Variants in MTHFD2L observed in about 807,000 individuals in gnomAD.
The protein encoded by MTHFD2L is bifunctional methylenetetrahydrofolate dehydrogenase/cyclohydrolase 2, mitochondrial.
Under a neutral mutation model 34.9 loss-of-function variants are expected in MTHFD2L, and 29 were observed. That is an observed-to-expected ratio of 0.83 (90% CI 0.62 to 1.13). The LOEUF is 1.13. Ranked by LOEUF, MTHFD2L falls within the 50% of genes most tolerant of loss-of-function variation. MTHFD2L has a pLI of 0.00. For synonymous variants in MTHFD2L, 167 were observed against 155.7 expected (o/e 1.07, Z -0.54); for missense variants, 481 against 446.5 (o/e 1.08, Z -0.70).
chr4:74,189,726 T>C (rs1380847346), intron 3 of MTHFD2L, among the ~76,000 whole-genome samples: 1 of 152,136 alleles, frequency 6.6e-6, no homozygotes, highest in African/African-American at 2.4e-5. Context: ...TAACTTGAGA[T>C]GATTTGCTTT....
At chr4:74,262,747 G>A (rs1283676003) in intron 6 of MTHFD2L, among the ~76,000 whole-genome samples, 3 of 151,920 alleles carry the variant, frequency 2.0e-5, no homozygotes, top group African/African-American at 7.2e-5. Flanking sequence ...ATCCAGGGAA[G>A]CACATACTTG....
chr4:74,119,063 C>T (rs1021771643), upstream of MTHFD2L, among the ~76,000 whole-genome samples: 7 of 152,146 alleles, frequency 4.6e-5, no homozygotes, highest in South Asian at 2.1e-4. Flanking sequence ...TGCCTGCAGA[C>T]GCATATCAAA....
intron 6 of MTHFD2L, chr4:74,267,167 TA>T: frequency 1.0e-6 from 1 of 985,152 alleles, no homozygotes; most frequent in Non-Finnish European, 1.2e-6. Context: ...ACTCTGTGAA[TA>T]ACATGACAGT....
At chr4:74,192,012 A>G (rs1331096677) in intron 3 of MTHFD2L, among the ~76,000 whole-genome samples, 6 of 152,264 alleles carry the variant, frequency 3.9e-5, no homozygotes, top group Admixed American at 1.3e-4. Flanking sequence ...CATTTATTCA[A>G]TAAATATTTA....
At chr4:74,183,849 A>G (rs931676734) in intron 3 of MTHFD2L, 3 of 152,040 alleles carry the variant, frequency 2.0e-5, no homozygotes, top group Non-Finnish European at 4.4e-5. Context: ...TTAGAAGATA[A>G]TTAATGTTTA....
At chr4:74,173,020 G>C (rs1329587434) in intron 1 of MTHFD2L, among the ~76,000 whole-genome samples, 2 of 152,104 alleles carry the variant, frequency 1.3e-5, no homozygotes, top group East Asian at 1.9e-4. Context: ...GTTTATAAGG[G>C]CTTCCTTTCC....
intron 5 of MTHFD2L, among the ~76,000 whole-genome samples, chr4:74,209,455 C>T (rs1185015634): frequency 7.2e-5 from 11 of 152,180 alleles, no homozygotes; most frequent in Admixed American, 5.9e-4. Context: ...TTTGGTTTTC[C>T]GTTCCTGTGT....
chr4:74,155,223 C>A (rs572314982), upstream of MTHFD2L, among the ~76,000 whole-genome samples: 1 of 152,264 alleles, frequency 6.6e-6, no homozygotes, highest in South Asian at 2.1e-4. Flanking sequence ...GAGATTGTTT[C>A]ATATAAGTGT....
intron 7 of MTHFD2L, chr4:74,288,326 C>G (rs1748458023): frequency 6.6e-6 from 1 of 152,100 alleles, no homozygotes; most frequent in South Asian, 2.1e-4. Context: ...GAGCCCAGAA[C>G]AATAAAATCC....
At chr4:74,121,156 T>A (rs746605122), upstream of MTHFD2L, among the ~76,000 whole-genome samples, 4 of 152,182 alleles carry the variant, frequency 2.6e-5, no homozygotes, top group Non-Finnish European at 5.9e-5. Flanking sequence ...TTAAGCATTA[T>A]TTTCTAACTA....
rs929940578 is a variant in MTHFD2L at position 74,225,227 on chromosome 4, C to T, written c.713-75C>T. The T allele has an allele frequency of 4.2e-5, 46 of 1,101,066 alleles. No homozygotes were observed. The African/African-American group carries it at 6.0e-4, about 14-fold the overall frequency. 68.2% of individuals were successfully genotyped at this position (1,101,066 alleles called of 1,614,324 possible). On this transcript the variant is annotated intron_variant, in intron 5 of 7. Transcript: ENST00000325278. Reference sequence around the variant, plus strand: ...TTCTATTCTTAGGAAATAAGTGAAACTCTTCTGGATTTAGAGCATTTATAA... The same window carrying T: ...TTCTATTCTTAGGAAATAAGTGAAATTCTTCTGGATTTAGAGCATTTATAA...
At chr4:74,295,652 A>G (rs1047035484) in intron 7 of MTHFD2L, among the ~76,000 whole-genome samples, 1 of 152,186 alleles carries the variant, frequency 6.6e-6, no homozygotes. Context: ...AAATTAATAT[A>G]CAAAATACTT....
At chr4:74,195,689 A>C (rs1280172020) in intron 3 of MTHFD2L, 2 of 152,336 alleles carry the variant, frequency 1.3e-5, no homozygotes, top group African/African-American at 4.8e-5. Context: ...AGAGTCCTGA[A>C]AACATGTGCC....
chr4:74,270,545 C>T (rs554449966), intron 6 of MTHFD2L, among the ~76,000 whole-genome samples: 5 of 152,220 alleles, frequency 3.3e-5, no homozygotes, highest in Non-Finnish European at 7.3e-5. Flanking sequence ...GTATATGTGC[C>T]ACATTTTCTT....
chr4:74,267,461 C>T (rs940085242), intron 6 of MTHFD2L, among the ~76,000 whole-genome samples: 7 of 150,682 alleles, frequency 4.6e-5, no homozygotes, highest in South Asian at 2.1e-4. Context: ...AGGCTGGTGG[C>T]GCCATCGTGG....
chr4:74,150,715 A>T (rs1723880719), intron 1 of MTHFD2L, among the ~76,000 whole-genome samples: 1 of 152,198 alleles, frequency 6.6e-6, no homozygotes, highest in East Asian at 1.9e-4. Flanking sequence ...CATCAAAACA[A>T]AGTGAAACAA....
chr4:74,267,600 T>C, intron 6 of MTHFD2L: 1 of 382,030 alleles, frequency 2.6e-6, no homozygotes, highest in Non-Finnish European at 3.6e-6. Context: ...GTTTGCTTGT[T>C]TGTTTGTTGC....
chr4:74,185,570 G>A (rs977609124), intron 3 of MTHFD2L, among the ~76,000 whole-genome samples: 1 of 152,064 alleles, frequency 6.6e-6, no homozygotes, highest in Non-Finnish European at 1.5e-5. Flanking sequence ...AGATACAACT[G>A]ACCAATACCA....
At chr4:74,245,384 A>T (rs1321521115) in intron 6 of MTHFD2L, among the ~76,000 whole-genome samples, 4 of 151,888 alleles carry the variant, frequency 2.6e-5, no homozygotes, top group African/African-American at 9.7e-5. Context: ...TAAACATTTA[A>T]TTCATCAATT....
Sources: allele counts gnomAD v4.1 joint callset (sites outside exome capture counted in the v4.1 genomes callset), GRCh38; gene constraint gnomAD v4.1.1; transcripts MANE v1.5; gene names NCBI Gene and HGNC (gene_info 2026-07-23, HGNC 2026-07-21).